Variants in GRIA4 observed in about 807,000 individuals in gnomAD.
The protein encoded by GRIA4 is glutamate receptor 4.
A neutral mutation model predicts 104.0 loss-of-function variants in GRIA4; 34 were observed. That is an observed-to-expected ratio of 0.33 (90% CI 0.25 to 0.44). The LOEUF (loss-of-function observed/expected upper bound fraction) is 0.44. Among genes scored for constraint, GRIA4 ranks in the 20% least tolerant of loss-of-function variants. GRIA4 has a pLI of 1.00. For missense variants in GRIA4, 750 were observed against 1,096.5 expected, an observed-to-expected ratio of 0.68 and a Z score of 4.46; for synonymous variants, 386 against 381.9, an observed-to-expected ratio of 1.01 and a Z score of -0.13.
chr11:105,650,303 A>G (rs1480990394), intron 3 of GRIA4, among the ~76,000 whole-genome samples: 1 of 152,126 alleles, frequency 6.6e-6, no homozygotes, highest in Non-Finnish European at 1.5e-5. Flanking sequence ...CAATGAGGGT[A>G]TTTTCCCAGA....
chr11:105,920,365 A>G (rs1947525786), intron 11 of GRIA4, among the ~76,000 whole-genome samples: 1 of 152,204 alleles, frequency 6.6e-6, no homozygotes, highest in South Asian at 2.1e-4. Context: ...AGCATAACTT[A>G]GATGTTAACA....
chr11:105,811,590 G>A (rs73554222), intron 4 of GRIA4, among the ~76,000 whole-genome samples: 1,683 of 152,256 alleles, frequency 0.011, 34 homozygotes, highest in African/African-American at 0.038. Flanking sequence ...TGAAAAAAAT[G>A]AGACTGGGGT....
chr11:105,833,271 C>T (rs77744110), intron 4 of GRIA4, among the ~76,000 whole-genome samples: 7,091 of 152,006 alleles, frequency 0.047, 383 homozygotes, highest in African/African-American at 0.13. Flanking sequence ...ATTTGATGAA[C>T]ATTATTTCAC....
intron 4 of GRIA4, among the ~76,000 whole-genome samples, chr11:105,858,203 A>C (rs1451591047): frequency 1.3e-5 from 2 of 152,172 alleles, no homozygotes; most frequent in African/African-American, 4.8e-5. Flanking sequence ...CTATTCTAAA[A>C]AATTATTTTC....
chr11:105,948,745 ACAGGTGT>A (rs1948392778), intron 14 of GRIA4, among the ~76,000 whole-genome samples: 1 of 151,554 alleles, frequency 6.6e-6, no homozygotes, highest in Non-Finnish European at 1.5e-5. Flanking sequence ...AGCTGGGACT[ACAGGTGT>A]CTGCCACCAC....
intron 3 of GRIA4, among the ~76,000 whole-genome samples, chr11:105,648,417 T>C (rs1283518131): frequency 6.6e-6 from 1 of 151,212 alleles, no homozygotes; most frequent in African/African-American, 2.4e-5. Flanking sequence ...ATTGGATAAA[T>C]TATTTAAATA....
intron 4 of GRIA4, among the ~76,000 whole-genome samples, chr11:105,786,144 CAAAAAA>C (rs34888562): frequency 1.1e-5 from 1 of 89,270 alleles, no homozygotes; most frequent in African/African-American, 4.5e-5. Flanking sequence ...GACCCTTTCT[CAAAAAA>C]AAAAAAAAAA....
intron 4 of GRIA4, among the ~76,000 whole-genome samples, chr11:105,825,975 T>C (rs1284938363): frequency 6.6e-6 from 1 of 151,980 alleles, no homozygotes; most frequent in Non-Finnish European, 1.5e-5. Context: ...AACCCCATAG[T>C]TGAATTTGGA....
In GRIA4 at chr11:105,656,652, G is replaced by A. The variant is rs536449613; in HGVS notation, c.247+44218G>A. On this transcript the variant is annotated intron_variant, in intron 3 of 16. Coordinates refer to ENST00000282499, the MANE Select transcript of GRIA4 (RefSeq NM_000829.4). ...GACAAAGGGAGCATTTCTTTAAGGC[G>A]TTTAGATTTTTTTTGTTTGACTTAT... Among the ~76,000 whole-genome samples, 6 of 151,974 alleles carry A rather than the reference G, an allele frequency of 3.9e-5. No homozygotes were observed. In the South Asian group the frequency reaches 6.2e-4, roughly 16 times the overall value.
At chr11:105,683,664 A>C (rs1046481598) in intron 3 of GRIA4, among the ~76,000 whole-genome samples, 15 of 152,232 alleles carry the variant, frequency 9.9e-5, no homozygotes, top group African/African-American at 3.4e-4. Flanking sequence ...AATGTTTACA[A>C]TGTTAAGGAA....
chr11:105,806,196 A>T (rs1422301838), intron 4 of GRIA4, among the ~76,000 whole-genome samples: 2 of 151,912 alleles, frequency 1.3e-5, no homozygotes, highest in East Asian at 1.9e-4. Flanking sequence ...AAATGACAAT[A>T]AAAAAGAAAT....
At chr11:105,876,015 A>C (rs1038279078) in intron 5 of GRIA4, among the ~76,000 whole-genome samples, 1 of 151,922 alleles carries the variant, frequency 6.6e-6, no homozygotes, top group Non-Finnish European at 1.5e-5. Flanking sequence ...TAGGGTGTCG[A>C]TTTTAGATCT....
chr11:105,675,434 C>A (rs1952506000), intron 3 of GRIA4, among the ~76,000 whole-genome samples: 1 of 151,684 alleles, frequency 6.6e-6, no homozygotes, highest in East Asian at 1.9e-4. Flanking sequence ...AGTTTCTTTG[C>A]CAGTAAATTT....
rs1940925989 is a variant in GRIA4 at position 105,766,106 on chromosome 11, C to T, written c.487+12886C>T. ...AATATAAGTGTAGGTATTTACACTACACCTAACAAAGCATTAGTTTTCATA... is the reference window on the plus strand; with the variant it reads ...AATATAAGTGTAGGTATTTACACTATACCTAACAAAGCATTAGTTTTCATA... On this transcript the variant is annotated intron_variant, in intron 4 of 16. Coordinates refer to ENST00000282499, the MANE Select transcript of GRIA4 (RefSeq NM_000829.4). Among the ~76,000 whole-genome samples the T allele has an allele frequency of 1.3e-5, 2 of 152,128 alleles. 1 individual carries two copies. The highest frequency in any genetic ancestry group is 4.1e-4 in the South Asian group (2 of 4,828).
At position 105,843,681 on chromosome 11, in the gene GRIA4, C is replaced by G. The variant is rs1944473585; in HGVS notation, c.488-18343C>G. Among the ~76,000 whole-genome samples, 2 of 152,152 alleles carry G rather than the reference C, an allele frequency of 1.3e-5. 1 individual carries two copies. The highest frequency in any genetic ancestry group is 4.1e-4 in the South Asian group (2 of 4,830). ...GTTCCTGGCCCTCAGTTCTAGCTAT[C>G]TCAGAGAATTTCTAGTAGTTTCATA... On this transcript the variant is annotated intron_variant, in intron 4 of 16. Transcript: ENST00000282499.
chr11:105,945,192 A>G (rs1270642163), intron 14 of GRIA4, among the ~76,000 whole-genome samples: 1 of 152,206 alleles, frequency 6.6e-6, no homozygotes, highest in East Asian at 1.9e-4. Context: ...TACCCAAGCA[A>G]TGCCCTTCTG....
chr11:105,810,715 T>G, intron 4 of GRIA4, among the ~76,000 whole-genome samples: 1 of 152,176 alleles, frequency 6.6e-6, no homozygotes. Context: ...AAAGAAGTTA[T>G]ATATAAATTG....
intron 14 of GRIA4, among the ~76,000 whole-genome samples, chr11:105,960,226 T>C (rs1948702091): frequency 6.6e-6 from 1 of 152,244 alleles, no homozygotes; most frequent in African/African-American, 2.4e-5. Flanking sequence ...AGGCTAAGTC[T>C]GCTGGTCCGC....
intron 4 of GRIA4, among the ~76,000 whole-genome samples, chr11:105,792,322 G>A (rs1355057020): frequency 6.6e-6 from 1 of 152,056 alleles, no homozygotes; most frequent in African/African-American, 2.4e-5. Flanking sequence ...TTGCAAAAGG[G>A]GTGGTCATAG....
Sources: allele counts gnomAD v4.1 joint callset (sites outside exome capture counted in the v4.1 genomes callset), GRCh38; gene constraint gnomAD v4.1.1; transcripts MANE v1.5; gene names NCBI Gene and HGNC (gene_info 2026-07-23, HGNC 2026-07-21).